UBE3C: variants seen among roughly 807,000 people sequenced by gnomAD.
UBE3C encodes the protein ubiquitin-protein ligase E3C.
A neutral mutation model predicts 129.4 loss-of-function variants in UBE3C; 42 were observed. The ratio of observed to expected loss-of-function variants is 0.32; its 90% CI spans 0.25 to 0.42. UBE3C has a LOEUF of 0.42. Among genes scored for constraint, UBE3C ranks in the 10% least tolerant of loss-of-function variants. The pLI is 1.00. For synonymous variants in UBE3C, 510 were observed against 492.4 expected, an observed-to-expected ratio of 1.04 and a Z score of -0.47; for missense variants, 1,049 against 1,319.1, an observed-to-expected ratio of 0.80 and a Z score of 3.17.
At chr7:157,253,397 TACTC>T (rs1269775741) in intron 19 of UBE3C, among the ~76,000 whole-genome samples, 3 of 152,232 alleles carry the variant, frequency 2.0e-5, no homozygotes, top group South Asian at 2.1e-4. Context: ...AAAGTGTTCT[TACTC>T]ACTCTGTTTA....
chr7:157,267,802 G>A lies in UBE3C; in HGVS notation c.*47G>A, dbSNP rs142368430. On this transcript the variant is annotated 3_prime_UTR_variant, in exon 23 of 23. Coordinates refer to ENST00000348165, the MANE Select transcript of UBE3C (RefSeq NM_014671.3). ...CCTACAGAGAACCAGTGCTTCCTTC[G>A]TCAGCAGCGCCTCCCCAGACCCACG... 2.6e-5 allele frequency: 39 copies of A among 1,503,952 alleles called. No homozygotes were observed. The highest frequency in any genetic ancestry group is 4.2e-4 in the Middle Eastern group (2 of 4,812). 93.2% of individuals were successfully genotyped at this position (1,503,952 alleles called of 1,614,324 possible). A position where few individuals can be genotyped will look rare whatever the true frequency, so the allele number is the denominator to read the frequency against.
intron 10 of UBE3C, chr7:157,192,835 G>A (rs549845290): frequency 2.7e-6 from 3 of 1,116,394 alleles, no homozygotes; most frequent in East Asian, 4.7e-5. Flanking sequence ...ACAAGTAACT[G>A]CGTATGAGTT....
chr7:157,216,274 A>G (rs932098321), intron 13 of UBE3C, among the ~76,000 whole-genome samples: 4 of 152,118 alleles, frequency 2.6e-5, no homozygotes, highest in Non-Finnish European at 5.9e-5. Flanking sequence ...CTTTCAGGAA[A>G]AAGTTGTACA....
chr7:157,158,276 A>G (rs1807972446), intron 1 of UBE3C, among the ~76,000 whole-genome samples: 1 of 152,122 alleles, frequency 6.6e-6, no homozygotes, highest in Admixed American at 6.5e-5. Flanking sequence ...CCAGTTTTTC[A>G]TGGACTGGCC....
At chr7:157,258,609 G>A (rs147559720) in intron 22 of UBE3C, among the ~76,000 whole-genome samples, 1,570 of 152,182 alleles carry the variant, frequency 0.01, 26 homozygotes, top group African/African-American at 0.035. Flanking sequence ...ACAGGCGTGC[G>A]CCTCCATGCC....
intron 18 of UBE3C, among the ~76,000 whole-genome samples, chr7:157,243,875 C>CAA (rs1796408652): frequency 6.6e-6 from 1 of 152,118 alleles, no homozygotes; most frequent in African/African-American, 2.4e-5. Context: ...ATATAGTTGG[C>CAA]ACTTAATAAA....
At position 157,159,839 on chromosome 7, in the gene UBE3C, T is replaced by A. The variant is rs535396244; in HGVS notation, c.67-3971T>A. ...CTGTCTCCAAAAAAATAAATACCAT[T>A]TGCTTGCCTGATCTAATTACAGACA... On this transcript the variant is annotated intron_variant, in intron 1 of 22. Transcript: ENST00000348165. Among the ~76,000 whole-genome samples, 8 of 152,258 alleles carry A rather than the reference T, an allele frequency of 5.3e-5. No individual in the cohort carries two copies. The East Asian group carries it at 1.5e-3, about 29-fold the overall frequency.
intron 5 of UBE3C, 102 bp downstream of exon 5, chr7:157,175,136 ACTTTT>A: frequency 5.4e-6 from 2 of 372,756 alleles, no homozygotes; most frequent in Non-Finnish European, 7.3e-6. Flanking sequence ...GCTTTTCCAT[ACTTTT>A]TTTTTTTTTT....
chr7:157,156,563 C>T (rs1807912792), intron 1 of UBE3C, among the ~76,000 whole-genome samples: 1 of 151,894 alleles, frequency 6.6e-6, no homozygotes. Context: ...ACCCTGGCCT[C>T]CAAAACTGCT....
intron 10 of UBE3C, among the ~76,000 whole-genome samples, chr7:157,195,533 C>G (rs190768024): frequency 5.1e-4 from 78 of 152,270 alleles, no homozygotes; most frequent in Admixed American, 2.3e-3. Context: ...GCTGATGGCT[C>G]CTTTTTTCAT....
chr7:157,142,884 G>A lies in UBE3C; in HGVS notation c.66+3546G>A, dbSNP rs868405656. ...TTTTTTTTTTTTGAGATGGAGTTTCGCTCACGCTGGAGCGCAGTGTTGCCC... is the reference window on the plus strand; with the variant it reads ...TTTTTTTTTTTTGAGATGGAGTTTCACTCACGCTGGAGCGCAGTGTTGCCC... On this transcript the variant is annotated intron_variant, in intron 1 of 22. Transcript: ENST00000348165. Among the ~76,000 whole-genome samples the A allele has an allele frequency of 1.4e-4, 20 of 147,332 alleles. No homozygotes were observed. The Middle Eastern group carries it at 0.01, about 77-fold the overall frequency.
At chr7:157,249,371 A>G (rs1454556730) in intron 19 of UBE3C, among the ~76,000 whole-genome samples, 2 of 151,614 alleles carry the variant, frequency 1.3e-5, no homozygotes, top group Non-Finnish European at 2.9e-5. Flanking sequence ...GCTGGAGTGC[A>G]GTGGCGCAAT....
chr7:157,155,096 A>C (rs1362313345), intron 1 of UBE3C, among the ~76,000 whole-genome samples: 1 of 152,134 alleles, frequency 6.6e-6, no homozygotes, highest in Non-Finnish European at 1.5e-5. Context: ...TGCACCTGTA[A>C]GTATGTTTTG....
intron 1 of UBE3C, among the ~76,000 whole-genome samples, chr7:157,152,652 T>C (rs1427749286): frequency 6.6e-6 from 1 of 152,188 alleles, no homozygotes; most frequent in Non-Finnish European, 1.5e-5. Context: ...AATCAAGGCC[T>C]GGAGTCCAAA....
chr7:157,250,770 A>G (rs928173580), intron 19 of UBE3C, among the ~76,000 whole-genome samples: 1 of 152,210 alleles, frequency 6.6e-6, no homozygotes, highest in African/African-American at 2.4e-5. Flanking sequence ...CTCGACATCC[A>G]GTGATGTCGC....
chr7:157,160,231 C>G (rs372487419), intron 1 of UBE3C, among the ~76,000 whole-genome samples: 2 of 152,008 alleles, frequency 1.3e-5, no homozygotes, highest in Non-Finnish European at 2.9e-5. Flanking sequence ...CGCGCCACCA[C>G]GCCCAGCTGA....
Position 157,220,709 on chromosome 7 carries a change from A to G in UBE3C, c.1935A>G (p.Pro645=). The change falls in exon 15 of 23, where the codon CCA becomes CCG. Residue 645 remains proline, a synonymous_variant. Coordinates refer to ENST00000348165, the MANE Select transcript of UBE3C (RefSeq NM_014671.3). The stretch of plus-strand genomic sequence containing the variant: ...GACAGGTCACTCAGCTCTATGTGCC[A>G]GCATCCAGACATGTGTGGAGGTTCC... ...KADKVTQLYV[P]ASRHVWRFRR... is the part of the protein sequence containing the mutation. 1 of 1,614,202 alleles carries G rather than the reference A, an allele frequency of 6.2e-7. No homozygotes were observed. Among genetic ancestry groups the G allele is most frequent in the Non-Finnish European group, 8.5e-7 (1 of 1,180,016 alleles).
chr7:157,220,597 G>T (rs981904908), intron 14 of UBE3C, 92 bp from the exon 15 acceptor site: 65 of 1,472,656 alleles, frequency 4.4e-5, no homozygotes, highest in Middle Eastern at 1.7e-4. Context: ...CCACGGTAGA[G>T]AAATGTCCAG....
chr7:157,169,952 G>A (rs1808320679), intron 3 of UBE3C, among the ~76,000 whole-genome samples: 1 of 152,090 alleles, frequency 6.6e-6, no homozygotes, highest in South Asian at 2.1e-4. Context: ...TCAAAGTGCT[G>A]GGATTACAGG....
Sources: allele counts gnomAD v4.1 joint callset (sites outside exome capture counted in the v4.1 genomes callset), GRCh38; gene constraint gnomAD v4.1.1; transcripts MANE v1.5; gene names NCBI Gene and HGNC (gene_info 2026-07-23, HGNC 2026-07-21).